Variants in GRID2 observed in about 807,000 individuals in gnomAD.
The protein encoded by GRID2 is glutamate receptor ionotropic, delta-2.
Under a neutral mutation model 114.8 loss-of-function variants are expected in GRID2, and 33 were observed. That is an observed-to-expected ratio of 0.29 (90% CI 0.22 to 0.38). The LOEUF is 0.38. Ranked by LOEUF, GRID2 falls within the 10% of genes least tolerant of loss-of-function variation. The pLI is 1.00. For missense variants in GRID2, 1,184 were observed against 1,257.7 expected (o/e 0.94, Z 0.89); for synonymous variants, 505 against 449.9 (o/e 1.12, Z -1.55).
intron 2 of GRID2, among the ~76,000 whole-genome samples, chr4:92,766,260 T>C (rs77898152): frequency 0.024 from 3,712 of 152,212 alleles, 101 homozygotes; most frequent in East Asian, 0.12. Context: ...CACTTTTAGC[T>C]GGGTGCGGTG....
rs147290363 is a variant in GRID2 at position 92,737,053 on chromosome 4, G to A, written c.244+146767G>A. ...TTAATTAAAAACATTTTTGTACTAA[G>A]AATTATGCATTTTAGTTGGCAGAAA... On this transcript the variant is annotated intron_variant, in intron 2 of 15. Coordinates refer to ENST00000282020, the MANE Select transcript of GRID2 (RefSeq NM_001510.4). Among the ~76,000 whole-genome samples the A allele has an allele frequency of 5.2e-3, 786 of 152,088 alleles. 3 individuals are homozygous for A. The highest frequency in any genetic ancestry group is 0.018 in the African/African-American group (754 of 41,528).
chr4:92,940,037 T>C (rs1211840557), intron 2 of GRID2, among the ~76,000 whole-genome samples: 1 of 147,306 alleles, frequency 6.8e-6, no homozygotes, highest in African/African-American at 2.4e-5. Flanking sequence ...TAGAATTGAC[T>C]TGGCGATGCA....
rs117697175 is a variant in GRID2, at chr4:92,600,992, C to T, written c.244+10706C>T. 6.1e-4 allele frequency among the ~76,000 whole-genome samples: 93 copies of T among 152,312 alleles called. No homozygotes were observed. In the East Asian group the frequency reaches 0.017, roughly 28 times the overall value. ...TCAGAGCCACCAGGAAGGACTAAGT[C>T]TGTTGATCCATGGAGACCACAGCCG... On this transcript the variant is annotated intron_variant, in intron 2 of 15. Coordinates refer to ENST00000282020, the MANE Select transcript of GRID2 (RefSeq NM_001510.4).
chr4:92,571,084 T>G (rs906305435), intron 1 of GRID2, among the ~76,000 whole-genome samples: 6 of 152,106 alleles, frequency 3.9e-5, no homozygotes, highest in Admixed American at 6.6e-5. Context: ...GCTGTGGGTA[T>G]AGCATATATG....
intron 2 of GRID2, among the ~76,000 whole-genome samples, chr4:93,028,828 T>C (rs1273847145): frequency 6.6e-6 from 1 of 152,036 alleles, no homozygotes; most frequent in African/African-American, 2.4e-5. Flanking sequence ...ACTTAGAGGA[T>C]CTGTAAGAAT....
intron 8 of GRID2, among the ~76,000 whole-genome samples, chr4:93,375,145 CAGCCAAA>C (rs1763254061): frequency 6.6e-6 from 1 of 151,940 alleles, no homozygotes; most frequent in Non-Finnish European, 1.5e-5. Flanking sequence ...ACCCAGACTG[CAGCCAAA>C]CATACTCTAA....
chr4:93,515,152 T>C, intron 12 of GRID2, 64 bp from the exon 13 acceptor site: 1 of 663,656 alleles, frequency 1.5e-6, no homozygotes, highest in Middle Eastern at 2.6e-4. Flanking sequence ...CTTTTAACTT[T>C]ATTCCCACTT....
chr4:92,441,487 T>G (rs972873665), intron 1 of GRID2, among the ~76,000 whole-genome samples: 1 of 151,982 alleles, frequency 6.6e-6, no homozygotes, highest in Non-Finnish European at 1.5e-5. Flanking sequence ...GAGGCAGGTA[T>G]TGAGGATAGG....
intron 2 of GRID2, among the ~76,000 whole-genome samples, chr4:92,985,258 C>T (rs1301159287): frequency 6.7e-6 from 1 of 148,430 alleles, no homozygotes; most frequent in African/African-American, 2.5e-5. Context: ...GAGTCTCGCT[C>T]TGTCTCCCAG....
chr4:93,499,080 T>C (rs1352754816), intron 12 of GRID2, among the ~76,000 whole-genome samples: 1 of 151,860 alleles, frequency 6.6e-6, no homozygotes, highest in Non-Finnish European at 1.5e-5. Context: ...GATTACATCA[T>C]TCATTTCAAC....
chr4:92,470,802 T>C (rs1359478400), intron 1 of GRID2, among the ~76,000 whole-genome samples: 2 of 152,032 alleles, frequency 1.3e-5, no homozygotes, highest in Non-Finnish European at 2.9e-5. Flanking sequence ...TCATAATACA[T>C]AGTCATTATC....
chr4:92,578,750 A>G (rs1728030423), intron 1 of GRID2, among the ~76,000 whole-genome samples: 1 of 151,912 alleles, frequency 6.6e-6, no homozygotes, highest in Admixed American at 6.6e-5. Context: ...CTATCTATCT[A>G]TCTATCTATC....
At position 92,320,847 on chromosome 4, in the gene GRID2, T is replaced by A. The variant is rs548093907; in HGVS notation, c.88+16103T>A. 3.3e-5 allele frequency among the ~76,000 whole-genome samples: 5 copies of A among 152,324 alleles called. No homozygotes were observed. The South Asian group carries it at 1.0e-3, about 32-fold the overall frequency. On this transcript the variant is annotated intron_variant, in intron 1 of 15. Transcript: ENST00000282020. The stretch of plus-strand genomic sequence containing the variant: ...TGTTTTTTACTATAAGTGTACATTT[T>A]AAAATCAAAGTCTGGTCCTAATTTA...
At chr4:93,440,497 T>TA (rs975661979) in intron 10 of GRID2, among the ~76,000 whole-genome samples, 99 of 151,848 alleles carry the variant, frequency 6.5e-4, no homozygotes, top group African/African-American at 2.3e-3. Context: ...GGCAGGAAGT[T>TA]AAAAAAAATA....
chr4:93,801,031 ATCGT>A (rs1734917872), intron 1 of GRID2, among the ~76,000 whole-genome samples: 1 of 152,194 alleles, frequency 6.6e-6, no homozygotes, highest in Non-Finnish European at 1.5e-5. Flanking sequence ...ATTGAAAATA[ATCGT>A]TTGTTGGTCA....
At chr4:92,927,827 A>G (rs531291711) in intron 2 of GRID2, among the ~76,000 whole-genome samples, 15 of 151,882 alleles carry the variant, frequency 9.9e-5, no homozygotes, top group Admixed American at 9.2e-4. Flanking sequence ...ATGAGGATTA[A>G]TTGAAAAATC....
At chr4:93,805,989 C>T (rs948079865) in intron 1 of GRID2, among the ~76,000 whole-genome samples, 9 of 151,902 alleles carry the variant, frequency 5.9e-5, no homozygotes, top group Admixed American at 1.3e-4. Flanking sequence ...CCCAGCTACT[C>T]GGGAAGCTGA....
At position 93,047,879 on chromosome 4, in the gene GRID2, C is replaced by CAA. The variant is rs772844863; in HGVS notation, c.245-37114_245-37113dup. Among the ~76,000 whole-genome samples, 1,184 of 143,550 alleles carry CAA rather than the reference C, an allele frequency of 8.2e-3. 4 individuals carry two copies. Among genetic ancestry groups the CAA allele is most frequent in the African/African-American group, 0.014 (516 of 38,154 alleles). 94.2% of individuals were successfully genotyped at this position (143,550 alleles called of 152,430 possible). ...TCTGATGACTTAAAAAACAAACAAA[C>CAA]AAACAAAAAAAACACTCATCTAAGG... On this transcript the variant is annotated intron_variant, in intron 2 of 15. Coordinates refer to ENST00000282020, the MANE Select transcript of GRID2 (RefSeq NM_001510.4).
At chr4:92,941,004 A>G (rs1399911141) in intron 2 of GRID2, among the ~76,000 whole-genome samples, 1 of 152,154 alleles carries the variant, frequency 6.6e-6, no homozygotes. Flanking sequence ...ATTGATGTTC[A>G]TGAGGGATAT....
Sources: gnomAD v4.1 joint callset for allele counts (sites outside exome capture counted in the v4.1 genomes callset) on GRCh38, gnomAD v4.1.1 for gene constraint, MANE v1.5 for transcripts, NCBI Gene and HGNC (gene_info 2026-07-23, HGNC 2026-07-21) for gene names.